The following NAV2 variants were observed in gnomAD, a reference collection of about 807,000 sequenced individuals.
The protein encoded by NAV2 is neuron navigator 2, also known as helicase, APC down-regulated 1.
In NAV2, 54 loss-of-function variants were observed where a neutral mutation model predicts 223.2. The observed-to-expected ratio is 0.24, with a 90% CI of 0.19 to 0.30. The LOEUF is 0.30. NAV2 is among the 10% of genes least tolerant of loss of function. NAV2 has a pLI of 1.00. For synonymous variants in NAV2, 1,279 were observed against 1,239.3 expected (o/e 1.03, Z -0.67); for missense variants, 2,806 against 3,147.5 (o/e 0.89, Z 2.60).
At chr11:19,742,545 AGGTAAGAGCT>A (rs1392677557) in intron 1 of NAV2, among the ~76,000 whole-genome samples, 2 of 152,180 alleles carry the variant, frequency 1.3e-5, no homozygotes, top group Non-Finnish European at 2.9e-5. Flanking sequence ...GAGGCGCTCC[AGGTAAGAGCT>A]GGTGGCTGGC....
chr11:19,492,861 G>A (rs558400097), intron 1 of NAV2, among the ~76,000 whole-genome samples: 1 of 152,282 alleles, frequency 6.6e-6, no homozygotes, highest in East Asian at 1.9e-4. Context: ...CACCGAGGGA[G>A]GAGAGGTTAG....
intron 1 of NAV2, among the ~76,000 whole-genome samples, chr11:19,675,065 T>G (rs74637448): frequency 0.011 from 1,727 of 152,188 alleles, 47 homozygotes; most frequent in East Asian, 0.082. Context: ...GCCACATCCT[T>G]CATGCACACC....
At chr11:19,662,235 A>G (rs978965646) in intron 1 of NAV2, among the ~76,000 whole-genome samples, 1 of 152,246 alleles carries the variant, frequency 6.6e-6, no homozygotes, top group African/African-American at 2.4e-5. Context: ...TTTACCTACC[A>G]TCAAAGACCA....
At chr11:19,863,286 CT>C (rs2153027548) in intron 3 of NAV2, among the ~76,000 whole-genome samples, 2 of 152,350 alleles carry the variant, frequency 1.3e-5, no homozygotes, top group South Asian at 4.1e-4. Flanking sequence ...GCCCCATCTA[CT>C]CTTGTCAAGG....
intron 1 of NAV2, among the ~76,000 whole-genome samples, chr11:19,627,281 A>C (rs1322523899): frequency 1.3e-5 from 2 of 152,108 alleles, no homozygotes; most frequent in Non-Finnish European, 2.9e-5. Context: ...CCAGGTACTC[A>C]GGAGGCTGAG....
rs556734935 is a variant in NAV2 at position 19,444,563 on chromosome 11, T to TGCCCACCTGCTCCTCCCC, written c.75+93537_75+93554dup. On this transcript the variant is annotated intron_variant, in intron 1 of 37. Transcript: ENST00000360655. ...AATGGCTGTAGAACCGGCCCCCCAC[T>TGCCCACCTGCTCCTCCCC]GCCCACCTGCTCCTCCCCTCACTCT... 4.5e-3 allele frequency among the ~76,000 whole-genome samples: 690 copies of TGCCCACCTGCTCCTCCCC among 152,250 alleles called. 5 individuals carry two copies. Among genetic ancestry groups the TGCCCACCTGCTCCTCCCC allele is most frequent in the African/African-American group, 0.016 (662 of 41,544 alleles).
upstream of NAV2, among the ~76,000 whole-genome samples, chr11:19,346,316 G>A (rs1028408521): frequency 2.0e-5 from 3 of 152,224 alleles, no homozygotes; most frequent in Non-Finnish European, 4.4e-5. Context: ...CTGTCCATAC[G>A]TGTGTATGTG....
chr11:20,101,351 G>A (rs2061622005), intron 32 of NAV2, among the ~76,000 whole-genome samples, 179 bp downstream of exon 32: 1 of 152,244 alleles, frequency 6.6e-6, no homozygotes, highest in Admixed American at 6.5e-5. Flanking sequence ...TGGTTAAGCT[G>A]ATCGAGCTCA....
intron 1 of NAV2, among the ~76,000 whole-genome samples, chr11:19,461,704 T>C (rs1323502308): frequency 6.6e-6 from 1 of 152,284 alleles, no homozygotes; most frequent in East Asian, 1.9e-4. Context: ...GGGTCAAAAC[T>C]AGCATTTTAA....
chr11:19,729,224 A>T lies in NAV2; in HGVS notation c.267+15262A>T, dbSNP rs141870669. The stretch of plus-strand genomic sequence containing the variant: ...GGAGGGAACTGGGTGACTTGGAGCA[A>T]GCAGGAATGGGATCCTAGAAGATGG... On this transcript the variant is annotated intron_variant, in intron 1 of 37. Transcript: ENST00000349880. 4.1e-4 allele frequency among the ~76,000 whole-genome samples: 62 copies of T among 152,304 alleles called. 1 individual carries two copies. The East Asian group carries it at 0.012, about 28-fold the overall frequency.
intron 1 of NAV2, among the ~76,000 whole-genome samples, chr11:19,814,044 G>A (rs891729715): frequency 5.3e-5 from 8 of 152,136 alleles, no homozygotes; most frequent in African/African-American, 1.9e-4. Flanking sequence ...CTGCTTTTTT[G>A]TTTCATATGT....
intron 10 of NAV2, among the ~76,000 whole-genome samples, chr11:19,964,798 G>A (rs997811194): frequency 7.1e-6 from 1 of 141,084 alleles, no homozygotes; most frequent in African/African-American, 2.6e-5. Context: ...ACCACAGCTG[G>A]CCTCATTCTA....
Position 20,045,340 on chromosome 11 carries a change from G to A in NAV2, c.3572G>A (p.Arg1191Gln), listed in dbSNP as rs751549750. 11 of 1,613,996 alleles carry A rather than the reference G, an allele frequency of 6.8e-6. No homozygotes were observed. The highest frequency in any genetic ancestry group is 6.7e-5 in the African/African-American group (5 of 74,894). The change falls in exon 14 of 38, where the codon CGG (arginine) becomes CAG (glutamine). Residue 1191 changes from arginine (R) to glutamine (Q), a missense_variant. Physicochemically the swap from Arg to Gln is conservative, Grantham distance 43. Transcript: ENST00000349880. ...AGCTCCCGGACAAACCTTCAGTACCGGAGTTTGCCGAGGCCCAGTAAGTCC... is the reference window on the plus strand; with the variant it reads ...AGCTCCCGGACAAACCTTCAGTACCAGAGTTTGCCGAGGCCCAGTAAGTCC... ...ALSSRTNLQY[R>Q]SLPRPSKSNS...
At chr11:20,080,645 G>T (rs1195745799) in intron 25 of NAV2, among the ~76,000 whole-genome samples, 2 of 152,090 alleles carry the variant, frequency 1.3e-5, no homozygotes, top group African/African-American at 4.8e-5. Flanking sequence ...AATGCCTAGG[G>T]ATATCATCAA....
At chr11:20,038,235 A>G (rs1434140861) in intron 12 of NAV2, among the ~76,000 whole-genome samples, 1 of 152,236 alleles carries the variant, frequency 6.6e-6, no homozygotes, top group Non-Finnish European at 1.5e-5. Context: ...TAAATGTCAC[A>G]TCAGAAAAGG....
At chr11:19,463,954 C>T (rs552383526) in intron 1 of NAV2, among the ~76,000 whole-genome samples, 7 of 152,066 alleles carry the variant, frequency 4.6e-5, no homozygotes, top group Admixed American at 2.0e-4. Context: ...ATGCTGCACC[C>T]GGAAAGAAGG....
chr11:19,932,360 G>A (rs935312302), intron 6 of NAV2, among the ~76,000 whole-genome samples: 2 of 151,412 alleles, frequency 1.3e-5, no homozygotes, highest in Non-Finnish European at 2.9e-5. Flanking sequence ...TTCTGAGACA[G>A]AGTCTCACTC....
At chr11:19,467,656 G>A (rs1439382223) in intron 1 of NAV2, among the ~76,000 whole-genome samples, 1 of 152,196 alleles carries the variant, frequency 6.6e-6, no homozygotes, top group East Asian at 1.9e-4. Context: ...GAGGATCTGT[G>A]GACCTCTCAG....
chr11:19,484,888 A>G (rs1050673463), intron 1 of NAV2, among the ~76,000 whole-genome samples: 1 of 152,212 alleles, frequency 6.6e-6, no homozygotes, highest in Non-Finnish European at 1.5e-5. Flanking sequence ...GCACCCATCC[A>G]GACAGATCTG....
Sources: allele counts gnomAD v4.1 joint callset (sites outside exome capture counted in the v4.1 genomes callset), GRCh38; gene constraint gnomAD v4.1.1; transcripts MANE v1.5; gene names NCBI Gene and HGNC (gene_info 2026-07-23, HGNC 2026-07-21).